The following TFEC variants were observed in gnomAD, a reference collection of about 807,000 sequenced individuals.
The protein encoded by TFEC is class E basic helix-loop-helix protein 34.
A neutral mutation model predicts 41.6 loss-of-function variants in TFEC; 31 were observed. The ratio of observed to expected loss-of-function variants is 0.74; its 90% CI spans 0.56 to 1.01. The LOEUF is 1.01. TFEC is among the 50% of genes least tolerant of loss of function. TFEC has a pLI of 0.00. For missense variants in TFEC, 402 were observed against 404.1 expected (o/e 0.99, Z 0.04); for synonymous variants, 143 against 140.6 (o/e 1.02, Z -0.12).
chr7:116,133,816 T>C (rs1424627764), intron 1 of TFEC, among the ~76,000 whole-genome samples: 1 of 152,222 alleles, frequency 6.6e-6, no homozygotes, highest in East Asian at 1.9e-4. Context: ...GCTTTTTAGA[T>C]GCCTAAGACA....
intron 1 of TFEC, among the ~76,000 whole-genome samples, chr7:116,133,418 C>T (rs1408211023): frequency 1.3e-5 from 2 of 151,918 alleles, no homozygotes; most frequent in Admixed American, 6.6e-5. Context: ...GACGTGGTGG[C>T]GTGTGCCAGT....
chr7:115,949,387 G>A (rs1295575499), intron 6 of TFEC, among the ~76,000 whole-genome samples: 5 of 152,070 alleles, frequency 3.3e-5, no homozygotes, highest in East Asian at 1.9e-4. Context: ...AGCCTACATC[G>A]CCAAGTCAAT....
chr7:115,987,077 C>A (rs1793892846), intron 1 of TFEC, among the ~76,000 whole-genome samples: 1 of 152,072 alleles, frequency 6.6e-6, no homozygotes, highest in Non-Finnish European at 1.5e-5. Context: ...TATACAGAGT[C>A]AGAATAAAAT....
At chr7:116,098,369 G>C (rs1797519887) in intron 3 of TFEC, among the ~76,000 whole-genome samples, 1 of 152,004 alleles carries the variant, frequency 6.6e-6, no homozygotes, top group African/African-American at 2.4e-5. Context: ...GTGTTGCCTA[G>C]ACTGGTCTCG....
chr7:115,988,043 C>A (rs900708401), intron 1 of TFEC, among the ~76,000 whole-genome samples: 4 of 152,004 alleles, frequency 2.6e-5, no homozygotes, highest in Non-Finnish European at 5.9e-5. Flanking sequence ...TCAATATTAT[C>A]CTAACATGCT....
In TFEC at chr7:116,098,048, G is replaced by T. The variant is rs151145651; in HGVS notation, c.198+12660C>A. Among the ~76,000 whole-genome samples, 118 of 152,312 alleles carry T rather than the reference G, an allele frequency of 7.7e-4. 2 individuals carry two copies. The East Asian group carries it at 0.022, about 28-fold the overall frequency. On this transcript the variant is annotated intron_variant, in intron 3 of 8. Transcript: ENST00000484212. ...ATCTAAACATATCAATCAAAAGATA[G>T]AGATTAGCAAGGTGGATAAAAACAT...
intron 3 of TFEC, among the ~76,000 whole-genome samples, chr7:116,048,290 C>T (rs1796221318): frequency 2.6e-5 from 4 of 152,138 alleles, no homozygotes; most frequent in Admixed American, 2.6e-4. Flanking sequence ...CCTTAAAAGA[C>T]CTGAAGGAGC....
chr7:116,094,344 A>G (rs572301689), intron 3 of TFEC, among the ~76,000 whole-genome samples: 3 of 152,216 alleles, frequency 2.0e-5, no homozygotes, highest in Non-Finnish European at 4.4e-5. Context: ...GTTTTTCGTA[A>G]GTACTACCAT....
chr7:116,029,706 ATATG>A (rs1167505245), intron 1 of TFEC, among the ~76,000 whole-genome samples: 6 of 151,960 alleles, frequency 3.9e-5, no homozygotes, highest in African/African-American at 1.2e-4. Context: ...CAGCATATAT[ATATG>A]TATGTACATG....
At chr7:116,135,776 A>G (rs563935996) in intron 1 of TFEC, among the ~76,000 whole-genome samples, 178 of 152,254 alleles carry the variant, frequency 1.2e-3, no homozygotes, top group African/African-American at 4.1e-3. Flanking sequence ...AACCATTAAA[A>G]GGGTATTACC....
chr7:115,971,539 A>T (rs1355069738), intron 3 of TFEC, among the ~76,000 whole-genome samples: 1 of 151,964 alleles, frequency 6.6e-6, no homozygotes, highest in Non-Finnish European at 1.5e-5. Context: ...CCCATAAATC[A>T]TGGAGAAGCA....
chr7:116,090,492 C>T (rs551473264), intron 3 of TFEC, among the ~76,000 whole-genome samples: 19 of 152,162 alleles, frequency 1.2e-4, no homozygotes, highest in South Asian at 1.0e-3. Flanking sequence ...TCATTCGAGA[C>T]GCCAAGAACC....
At chr7:116,158,457 C>T (rs547009076) in intron 1 of TFEC, among the ~76,000 whole-genome samples, 46 of 152,176 alleles carry the variant, frequency 3.0e-4, no homozygotes, top group African/African-American at 9.9e-4. Context: ...GTCAGCTTTA[C>T]GTAATTTAAG....
intron 3 of TFEC, among the ~76,000 whole-genome samples, chr7:116,091,701 TAAC>T (rs1797332038): frequency 6.6e-6 from 1 of 152,008 alleles, no homozygotes; most frequent in Non-Finnish European, 1.5e-5. Context: ...TAAATAAAAA[TAAC>T]AAGAACTCAA....
At chr7:116,012,829 A>G (rs1795051787) in intron 1 of TFEC, among the ~76,000 whole-genome samples, 2 of 82,374 alleles carry the variant, frequency 2.4e-5, no homozygotes, top group South Asian at 3.0e-4. Context: ...ATTTCTGGAA[A>G]AAAAAAAAAA....
Position 115,937,964 on chromosome 7 carries a change from G to A in TFEC, c.*2587C>T, listed in dbSNP as rs1387733655. ...AACTACCATCTAATTAATTTTTAAT[G>A]TATTTCAGTTGACCGGGACACAGCA... On this transcript the variant is annotated 3_prime_UTR_variant, in exon 8 of 8. Coordinates refer to ENST00000265440, the MANE Select transcript of TFEC (RefSeq NM_012252.4). 1 of 151,846 alleles carries A rather than the reference G, an allele frequency of 6.6e-6. No individual in the cohort carries two copies. Among genetic ancestry groups the A allele is most frequent in the Non-Finnish European group, 1.5e-5 (1 of 67,868 alleles). 9.4% of individuals were successfully genotyped at this position (151,846 alleles called of 1,614,324 possible).
At chr7:115,998,986 T>C (rs1794481214) in intron 1 of TFEC, among the ~76,000 whole-genome samples, 1 of 152,030 alleles carries the variant, frequency 6.6e-6, no homozygotes. Context: ...CAAATAAACC[T>C]AATAGATATT....
At chr7:116,046,737 T>G (rs79968731) in intron 3 of TFEC, among the ~76,000 whole-genome samples, 1 of 152,082 alleles carries the variant, frequency 6.6e-6, no homozygotes, top group African/African-American at 2.4e-5. Context: ...TACTCCCCAC[T>G]GTACTTCACC....
At position 116,065,047 on chromosome 7, in the gene TFEC, C is replaced by T. The variant is rs563130111; in HGVS notation, c.198+45661G>A. 4.6e-5 allele frequency among the ~76,000 whole-genome samples: 7 copies of T among 152,194 alleles called. No individual in the cohort carries two copies. The South Asian group carries it at 1.5e-3, about 32-fold the overall frequency. ...ACAGGAGGATGAATTGAACACAAGC[C>T]CACCAGTTCTATTCTCCAGAATACT... is the stretch of plus-strand genomic sequence containing the variant. On this transcript the variant is annotated intron_variant, in intron 3 of 8. Transcript: ENST00000484212.
Sources: allele counts gnomAD v4.1 joint callset (sites outside exome capture counted in the v4.1 genomes callset), GRCh38; gene constraint gnomAD v4.1.1; transcripts MANE v1.5; gene names NCBI Gene and HGNC (gene_info 2026-07-23, HGNC 2026-07-21).